Variants in SBNO2 observed in about 807,000 individuals in gnomAD.
The protein encoded by SBNO2 is protein strawberry notch homolog 2.
SBNO2 carries 89 observed loss-of-function variants against 146.3 expected under a neutral mutation model. The ratio of observed to expected loss-of-function variants is 0.61; its 90% CI spans 0.51 to 0.73. The LOEUF (loss-of-function observed/expected upper bound fraction) is 0.73, where lower values mean the gene tolerates loss of function less well. Ranked by LOEUF, SBNO2 falls within the 30% of genes least tolerant of loss-of-function variation. The probability of loss-of-function intolerance (pLI) is 0.00; values close to 1 mark genes in which losing one functional copy is unlikely to be tolerated. For synonymous variants in SBNO2, 1,147 were observed against 892.6 expected (o/e 1.29, Z -5.08); for missense variants, 2,092 against 2,003.7 (o/e 1.04, Z -0.84).
At chr19:1,172,665 T>C (rs2080489385) in intron 1 of SBNO2, among the ~76,000 whole-genome samples, 1 of 151,832 alleles carries the variant, frequency 6.6e-6, no homozygotes. Context: ...GTAATCCCCG[T>C]GTAATCGGGC....
intron 1 of SBNO2, among the ~76,000 whole-genome samples, chr19:1,156,941 C>A (rs1005193786): frequency 6.6e-6 from 1 of 152,126 alleles, no homozygotes; most frequent in African/African-American, 2.4e-5. Context: ...ACCCGCCACT[C>A]CTGAGAACGC....
intron 2 of SBNO2, among the ~76,000 whole-genome samples, chr19:1,153,183 G>A (rs1209639034): frequency 2.0e-5 from 3 of 150,486 alleles, no homozygotes; most frequent in South Asian, 2.1e-4. Context: ...AAAATAAAAT[G>A]AAATAAAATA....
rs1323839386 is a variant in SBNO2 at position 1,108,427 on chromosome 19, G to C, written c.3894C>G (p.Ala1298=). ...CCTGGTGCGCGAGGGCCGCAGGGTC[G>C]GCCTGGGCGTCGGGGGTGCCCAGCG... is the stretch of plus-strand genomic sequence containing the variant. The part of the protein sequence containing the change: ...VVPLGTPDAQ[A]DPAALAHQGC... The change falls in exon 32 of 32, where the codon GCC becomes GCG. Residue 1298 remains alanine (A), a synonymous_variant. Coordinates refer to ENST00000361757, the MANE Select transcript of SBNO2 (RefSeq NM_014963.3). 1 of 1,260,608 alleles carries C rather than the reference G, an allele frequency of 7.9e-7. No homozygotes were observed. 78.1% of individuals were successfully genotyped at this position (1,260,608 alleles called of 1,614,324 possible). A position where few individuals can be genotyped will look rare whatever the true frequency, so the allele number is the denominator to read the frequency against.
In SBNO2 at chr19:1,150,289, G is replaced by A. The variant is rs1053889176; in HGVS notation, c.94-847C>T. 2.0e-5 allele frequency among the ~76,000 whole-genome samples: 3 copies of A among 152,118 alleles called. No individual in the cohort carries two copies. Among genetic ancestry groups the A allele is most frequent in the Non-Finnish European group, 4.4e-5 (3 of 67,998 alleles). ...TGGGGAGCACACGGGGCAGCAGCGG[G>A]CCCAAGGGCGGCAGCGGGCCCAGGG... On this transcript the variant is annotated intron_variant, in intron 2 of 31. Transcript: ENST00000361757. The surrounding 1 kb of genome is among the most constrained non-coding windows in gnomAD (Gnocchi z 6.2).
chr19:1,127,599 C>T lies in SBNO2; in HGVS notation c.441+5G>A. The stretch of plus-strand genomic sequence containing the variant: ...GGGCTGGCTGGGGGCACCGGGCGCA[C>T]TGACCTTATCGTGGGTGGAGGGGGC... On this transcript the variant is annotated splice_donor_5th_base_variant and intron_variant, in intron 5 of 31. Coordinates refer to ENST00000361757, the MANE Select transcript of SBNO2 (RefSeq NM_014963.3). The T allele has an allele frequency of 6.2e-7, 1 of 1,611,690 alleles. No homozygotes were observed.
chr19:1,109,748 C>G lies in SBNO2; in HGVS notation c.3058G>C (p.Glu1020Gln). The G allele has an allele frequency of 6.3e-7, 1 of 1,598,576 alleles. No individual in the cohort carries two copies. Among genetic ancestry groups the G allele is most frequent in the East Asian group, 2.2e-5 (1 of 44,520 alleles). The change falls in exon 27 of 32, where the codon GAG (glutamate) becomes CAG (glutamine). Residue 1020 changes from glutamate to glutamine, a missense_variant. Transcript: ENST00000361757. The surrounding 1 kb of genome is among the most constrained non-coding windows in gnomAD (Gnocchi z 4.2). The part of the protein sequence containing the change: ...DLAPGIEEIY[E>Q]ESQQVFLAPG... ...GCCAGGAACACCTGCTGGCTCTCCT[C>G]GTAGATCTCCTCGATACCGGGAGCA...
intron 4 of SBNO2, chr19:1,128,354 A>G (rs2079991292): frequency 5.7e-6 from 2 of 350,204 alleles, no homozygotes; most frequent in Admixed American, 8.4e-5. Flanking sequence ...GATGACACAC[A>G]CACACGCGCT....
At chr19:1,153,886 T>G in intron 2 of SBNO2, among the ~76,000 whole-genome samples, 1 of 152,204 alleles carries the variant, frequency 6.6e-6, no homozygotes, top group East Asian at 1.9e-4. Context: ...CAAGTAAAGT[T>G]GAGCCCCCCC....
In SBNO2 at chr19:1,147,400, G is replaced by A. The variant is rs1414024490; in HGVS notation, c.188C>T (p.Ser63Phe). The A allele has an allele frequency of 2.0e-6, 3 of 1,524,076 alleles. No individual in the cohort carries two copies. The highest frequency in any genetic ancestry group is 2.9e-5 in the African/African-American group (2 of 68,788). The allele number at this position is 1,524,076 out of a possible 1,614,324, so 94.4% of individuals were successfully genotyped here. ...TGGGCAGGGCTGGCTGCCGAGGAAG[G>A]AGGCGGAGCTCATGAACGGGCTGGA... ...SDSRPFMSSA[S>F]FLGSQPCPDT... The change falls in exon 4 of 32, where the codon TCC becomes TTC. Residue 63 changes from serine (S) to phenylalanine (F), a missense_variant. By Grantham distance (155) the Ser-to-Phe change is radical. Transcript: ENST00000361757.
In SBNO2 at chr19:1,117,394, T is replaced by C; in HGVS notation, c.1633A>G (p.Lys545Glu). The C allele has an allele frequency of 1.3e-6, 2 of 1,590,030 alleles. No individual in the cohort carries two copies. Among genetic ancestry groups the C allele is most frequent in the East Asian group, 2.3e-5 (1 of 43,496 alleles). Residue 545 changes from lysine to glutamate, a missense_variant, in exon 15 of 32, where the codon AAG becomes GAG. Coordinates refer to ENST00000361757, the MANE Select transcript of SBNO2 (RefSeq NM_014963.3). The part of the protein sequence containing the change: ...QFWSAHQRFF[K>E]YLCIAAKVRR... Reference sequence around the variant, plus strand: ...ACCTTGGCTGCGATGCACAGATACTTGAAGAAGCGCTGGTGTGCCGACCAG... The same window carrying C: ...ACCTTGGCTGCGATGCACAGATACTCGAAGAAGCGCTGGTGTGCCGACCAG...
chr19:1,166,066 C>T (rs1418827749), intron 1 of SBNO2, among the ~76,000 whole-genome samples: 3 of 11,176 alleles, frequency 2.7e-4, no homozygotes, highest in African/African-American at 6.6e-4. Context: ...AGACCCCAGA[C>T]CCCCAGATCT....
chr19:1,122,599 C>CCCCCCCCCCCA, intron 9 of SBNO2, 41 bp from the exon 10 acceptor site: 6 of 1,316,064 alleles, frequency 4.6e-6, no homozygotes, highest in East Asian at 2.9e-5. Context: ...CCTTCCCCCT[C>CCCCCCCCCCCA]GCCCCCCGCT....
At position 1,109,544 on chromosome 19, in the gene SBNO2, G is replaced by C; in HGVS notation, c.3178C>G (p.Leu1060Val). The C allele has an allele frequency of 3.7e-6, 6 of 1,601,718 alleles. No homozygotes were observed. Among genetic ancestry groups the C allele is most frequent in the Non-Finnish European group, 5.1e-6 (6 of 1,175,334 alleles). Residue 1060 changes from leucine (L) to valine (V), a missense_variant, in exon 28 of 32, where the codon CTG becomes GTG. Coordinates refer to ENST00000361757, the MANE Select transcript of SBNO2 (RefSeq NM_014963.3). The surrounding 1 kb of genome is among the most constrained non-coding windows in gnomAD (Gnocchi z 4.2). ...TAGAAGCCGTCATAGGGGCCCGTCAGCGCCAGCGACTTGGCAAAGGCGTCC... is the reference window on the plus strand; with the variant it reads ...TAGAAGCCGTCATAGGGGCCCGTCACCGCCAGCGACTTGGCAAAGGCGTCC... ...WEDAFAKSLA[L>V]TGPYDGFYLS...
chr19:1,138,564 C>T (rs2080106078), intron 4 of SBNO2, among the ~76,000 whole-genome samples: 1 of 152,056 alleles, frequency 6.6e-6, no homozygotes, highest in South Asian at 2.1e-4. Context: ...AAGTTTGCAC[C>T]CGTGCTCACG....
chr19:1,161,140 G>C (rs1175250427), intron 1 of SBNO2, among the ~76,000 whole-genome samples: 5 of 30,742 alleles, frequency 1.6e-4, no homozygotes, highest in Non-Finnish European at 2.6e-4. Context: ...GGAGGTAGGG[G>C]TGCCTGAGTA....
At position 1,134,623 on chromosome 19, in the gene SBNO2, C is replaced by CA. The variant is rs34257550; in HGVS notation, c.280-6859dup. Among the ~76,000 whole-genome samples, 956 of 152,152 alleles carry CA rather than the reference C, an allele frequency of 6.3e-3. 10 individuals carry two copies. The highest frequency in any genetic ancestry group is 0.022 in the African/African-American group (921 of 41,496). ...AATCCACACAGACAGGAAAAGCATT[C>CA]AGGTTATCAGGGGGTGGGGATGGGC... On this transcript the variant is annotated intron_variant, in intron 4 of 31. Transcript: ENST00000361757.
chr19:1,110,917 C>A lies in SBNO2; in HGVS notation c.2885-29G>T, dbSNP rs771187707. On this transcript the variant is annotated intron_variant, in intron 25 of 31. Transcript: ENST00000361757. The surrounding 1 kb of genome is among the most constrained non-coding windows in gnomAD (Gnocchi z 4.9). ...GTAGGGGAGGGAGCCAAGCCTCAGG[C>A]TGCGCTGGGAATCCCTCTCCCTGCT... 1 of 1,611,674 alleles carries A rather than the reference C, an allele frequency of 6.2e-7. No individual in the cohort carries two copies. Among genetic ancestry groups the A allele is most frequent in the Admixed American group, 1.7e-5 (1 of 59,948 alleles).
intron 1 of SBNO2, among the ~76,000 whole-genome samples, chr19:1,171,300 G>A (rs1487361440): frequency 5.3e-5 from 8 of 151,880 alleles, no homozygotes; most frequent in Non-Finnish European, 1.0e-4. Context: ...CACACAGAAT[G>A]CACGTGCGTA....
Position 1,144,029 on chromosome 19 carries a change from CT to C in SBNO2, c.279+3279del, listed in dbSNP as rs1464248661. On this transcript the variant is annotated intron_variant, in intron 4 of 31. Transcript: ENST00000361757. The surrounding 1 kb of genome is among the most constrained non-coding windows in gnomAD (Gnocchi z 4.1). The stretch of plus-strand genomic sequence containing the variant: ...GGCTTCCGTGGCTGGCTGGGCTGCG[CT>C]GGGGGGCACGGCGCAAAGGGCCTCG... Among the ~76,000 whole-genome samples, 4 of 152,204 alleles carry C rather than the reference CT, an allele frequency of 2.6e-5. No individual in the cohort carries two copies. Among genetic ancestry groups the C allele is most frequent in the Non-Finnish European group, 4.4e-5 (3 of 68,028 alleles).
Sources: gnomAD v4.1 joint callset for allele counts (sites outside exome capture counted in the v4.1 genomes callset) on GRCh38, gnomAD v4.1.1 for gene constraint, Gnocchi (gnomAD v3.1) non-coding constraint, MANE v1.5 for transcripts, NCBI Gene and HGNC (gene_info 2026-07-23, HGNC 2026-07-21) for gene names.